The following PCNX3 variants were observed in gnomAD, a reference collection of about 807,000 sequenced individuals.
PCNX3 encodes the protein pecanex 3.
Under a neutral mutation model 207.2 loss-of-function variants are expected in PCNX3, and 58 were observed. The ratio of observed to expected loss-of-function variants is 0.28; its 90% confidence interval spans 0.23 to 0.35. The LOEUF (loss-of-function observed/expected upper bound fraction) is 0.35, where lower values mean the gene tolerates loss of function less well. PCNX3 is among the 10% of genes least tolerant of loss of function. The pLI is 1.00. For synonymous variants in PCNX3, 1,337 were observed against 1,183.5 expected (o/e 1.13, Z -2.66); for missense variants, 2,410 against 2,774.4 (o/e 0.87, Z 2.95).
chr11:65,623,032 A>T (rs1855192823), intron 11 of PCNX3, among the ~76,000 whole-genome samples: 1 of 152,134 alleles, frequency 6.6e-6, no homozygotes, highest in South Asian at 2.1e-4. Flanking sequence ...AGAAAATCCA[A>T]TAGAGAAGTC....
chr11:65,622,819 G>A (rs1193599018), intron 11 of PCNX3, among the ~76,000 whole-genome samples: 3 of 151,150 alleles, frequency 2.0e-5, no homozygotes, highest in African/African-American at 7.3e-5. Context: ...AGCCAAGATG[G>A]TCTTGATCTC....
intron 22 of PCNX3, 80 bp downstream of exon 22, chr11:65,627,662 TC>T: frequency 6.6e-7 from 1 of 1,520,946 alleles, no homozygotes; most frequent in Non-Finnish European, 9.0e-7. Flanking sequence ...GAAGAGAATT[TC>T]CTGAGGGCCT....
intron 9 of PCNX3, 114 bp from the exon 10 acceptor site, chr11:65,620,717 C>G (rs1374219423): frequency 1.4e-6 from 2 of 1,400,758 alleles, no homozygotes; most frequent in African/African-American, 1.4e-5. Flanking sequence ...TCCCTTGAGC[C>G]CTGGTTGGTC....
Position 65,620,006 on chromosome 11 carries a change from G to C in PCNX3, c.2008+74G>C, listed in dbSNP as rs1028769648. ...AACAGCCTGAGTCCTCCTAGCAGTGGTGCTCGCTCGGCCCTGTGGCAGGTA... is the reference window on the plus strand; with the variant it reads ...AACAGCCTGAGTCCTCCTAGCAGTGCTGCTCGCTCGGCCCTGTGGCAGGTA... On this transcript the variant is annotated intron_variant, in intron 8 of 34. Transcript: ENST00000355703. The C allele has an allele frequency of 1.5e-5, 21 of 1,441,680 alleles. No individual in the cohort carries two copies. The Middle Eastern group carries it at 5.4e-4, about 37-fold the overall frequency. The allele number at this position is 1,441,680 out of a possible 1,614,324, so 89.3% of individuals were successfully genotyped here. A position where few individuals can be genotyped will look rare whatever the true frequency, so the allele number is the denominator to read the frequency against.
Position 65,625,563 on chromosome 11 carries a change from T to C in PCNX3, c.3135+53T>C. The C allele has an allele frequency of 6.4e-7, 1 of 1,572,046 alleles. No homozygotes were observed. Among genetic ancestry groups the C allele is most frequent in the South Asian group, 1.1e-5 (1 of 87,540 alleles). On this transcript the variant is annotated intron_variant, in intron 18 of 34. Coordinates refer to ENST00000355703, the MANE Select transcript of PCNX3 (RefSeq NM_032223.4). The surrounding 1 kb of genome is among the most constrained non-coding windows in gnomAD (Gnocchi z 5.6). ...GGGGAGGTGGTGACAGGTCCTGGGGTTCCTGGGAGGGGCATGTCCAGCTTG... is the reference window on the plus strand; with the variant it reads ...GGGGAGGTGGTGACAGGTCCTGGGGCTCCTGGGAGGGGCATGTCCAGCTTG...
In PCNX3 at chr11:65,635,612, C is replaced by T; in HGVS notation, c.5268C>T (p.Gly1756=). 1 of 1,612,938 alleles carries T rather than the reference C, an allele frequency of 6.2e-7. No individual in the cohort carries two copies. The highest frequency in any genetic ancestry group is 8.5e-7 in the Non-Finnish European group (1 of 1,179,748). ...TGCGCAACCGCAACCCCGAGCGTGG[C>T]AGCATCCAGAACGCCAAGCAGGCGC... ...VFLRNRNPER[G]SIQNAKQALR... Residue 1756 remains glycine, a synonymous_variant, in exon 32 of 35, where the codon GGC becomes GGT. Coordinates refer to ENST00000355703, the MANE Select transcript of PCNX3 (RefSeq NM_032223.4). This position sits in a 1 kb window ranked among gnomAD's most constrained non-coding sequence, Gnocchi z 9.9.
intron 26 of PCNX3, among the ~76,000 whole-genome samples, chr11:65,629,976 T>G (rs2135465403): frequency 6.6e-6 from 1 of 152,336 alleles, no homozygotes; most frequent in East Asian, 1.9e-4. Flanking sequence ...TACAGGTCAC[T>G]GCAGTGAGGG....
intron 27 of PCNX3, among the ~76,000 whole-genome samples, chr11:65,633,677 C>T (rs1206015332): frequency 6.6e-6 from 1 of 152,182 alleles, no homozygotes; most frequent in Non-Finnish European, 1.5e-5. Context: ...ACCATAGTGT[C>T]GGGGCCAGCC....
Position 65,625,645 on chromosome 11 carries a change from C to T in PCNX3, c.3136-7C>T, listed in dbSNP as rs764444056. On this transcript the variant is annotated splice_region_variant and splice_polypyrimidine_tract_variant and intron_variant, in intron 18 of 34. Coordinates refer to ENST00000355703, the MANE Select transcript of PCNX3 (RefSeq NM_032223.4). This position sits in a 1 kb window ranked among gnomAD's most constrained non-coding sequence, Gnocchi z 5.6. ...CGGGCAGCTGAATGTCTCTCCTGGC[C>T]CTGCAGCGTGAGGTCTTGCACTCCG... is the stretch of plus-strand genomic sequence containing the variant. 14 of 1,612,476 alleles carry T rather than the reference C, an allele frequency of 8.7e-6. No individual in the cohort carries two copies. The highest frequency in any genetic ancestry group is 1.2e-5 in the Non-Finnish European group (14 of 1,179,548).
rs892195663 is a variant in PCNX3 at position 65,619,653 on chromosome 11, C to T, written c.1822C>T (p.Pro608Ser). 1.9e-6 allele frequency: 3 copies of T among 1,597,262 alleles called. No individual in the cohort carries two copies. The highest frequency in any genetic ancestry group is 1.1e-5 in the South Asian group (1 of 89,922). Residue 608 changes from proline (P) to serine (S), a missense_variant, in exon 7 of 35, where the codon CCG (proline) becomes TCG (serine). Around this residue, in one of 8 missense-constraint regions of PCNX3, gnomAD observed 1,104 missense variants for 970.3 expected, o/e 1.14. Coordinates refer to ENST00000355703, the MANE Select transcript of PCNX3 (RefSeq NM_032223.4). ...PTPPASVMGS[P>S]PSSLQEAQRG... ...CCCTCCAGCCTCTGTCATGGGCTCG[C>T]CGCCCAGGTGAGCACCTTGCCAGCT... is the stretch of plus-strand genomic sequence containing the variant.
At chr11:65,628,770 G>C (rs779086920) in intron 23 of PCNX3, 49 bp from the exon 24 acceptor site, 5 of 1,603,572 alleles carry the variant, frequency 3.1e-6, no homozygotes, top group East Asian at 2.2e-5. Context: ...GGGGGGTGGT[G>C]GGGGGCTGGG....
chr11:65,623,903 T>C, intron 12 of PCNX3, 26 bp from the exon 13 acceptor site: 1 of 1,612,634 alleles, frequency 6.2e-7, no homozygotes. Flanking sequence ...CGGCTCTAGT[T>C]GCCAACGTAG....
chr11:65,627,166 G>A, intron 21 of PCNX3, 118 bp downstream of exon 21: 1 of 1,366,214 alleles, frequency 7.3e-7, no homozygotes, highest in Non-Finnish European at 9.7e-7. Context: ...AGCTAAAGCA[G>A]GACCCCAGCT....
chr11:65,621,188 C>T (rs755977680), intron 10 of PCNX3, among the ~76,000 whole-genome samples: 9 of 152,182 alleles, frequency 5.9e-5, no homozygotes, highest in African/African-American at 2.2e-4. Context: ...ACTACGAATT[C>T]CTTTGGAGTA....
In PCNX3 at chr11:65,637,054, G is replaced by T. The variant is rs771570052; in HGVS notation, c.*76G>T. 27 of 1,458,748 alleles carry T rather than the reference G, an allele frequency of 1.9e-5. No individual in the cohort carries two copies. The highest frequency in any genetic ancestry group is 2.1e-5 in the Non-Finnish European group (23 of 1,084,380). The allele number at this position is 1,458,748 out of a possible 1,614,324, so 90.4% of individuals were successfully genotyped here. A position where few individuals can be genotyped will look rare whatever the true frequency, so the allele number is the denominator to read the frequency against. ...TCTGCTGCCTCTCTGCTGGACCACA[G>T]AACTGAGTGGCTTTGGCCTACATGT... On this transcript the variant is annotated 3_prime_UTR_variant, in exon 35 of 35. Transcript: ENST00000355703.
chr11:65,624,096 G>T, intron 13 of PCNX3, 99 bp from the exon 14 acceptor site: 2 of 1,569,188 alleles, frequency 1.3e-6, no homozygotes, highest in Non-Finnish European at 1.7e-6. Context: ...AGGCTCTCCA[G>T]CTTGGACCCA....
Position 65,637,325 on chromosome 11 carries a change from T to C in PCNX3, c.*347T>C. The C allele has an allele frequency of 7.2e-6, 2 of 277,310 alleles. No individual in the cohort carries two copies. Among genetic ancestry groups the C allele is most frequent in the Non-Finnish European group, 1.3e-5 (2 of 148,370 alleles). The allele number at this position is 277,310 out of a possible 1,614,324, so 17.2% of individuals were successfully genotyped here. A position where few individuals can be genotyped will look rare whatever the true frequency, so the allele number is the denominator to read the frequency against. On this transcript the variant is annotated 3_prime_UTR_variant, in exon 35 of 35. Transcript: ENST00000355703. ...AGGTGTGGCCCCCTTGGCCTGGACC[T>C]GGGGCCTGAATTGTGGGAAGGGTGG...
At position 65,635,332 on chromosome 11, in the gene PCNX3, G is replaced by A; in HGVS notation, c.5068G>A (p.Ala1690Thr). Residue 1690 changes from alanine to threonine, a missense_variant, in exon 31 of 35, where the codon GCC becomes ACC. Physicochemically the swap from Ala to Thr is moderately conservative, Grantham distance 58. Coordinates refer to ENST00000355703, the MANE Select transcript of PCNX3 (RefSeq NM_032223.4). This position sits in a 1 kb window ranked among gnomAD's most constrained non-coding sequence, Gnocchi z 9.9. ...SHEGDPAWRS[A>T]ILSNTPSLLA... ...TGAGGGTGACCCAGCATGGCGCAGC[G>A]CCATCCTCAGCAACACGCCCTCCCT... 4 of 1,606,032 alleles carry A rather than the reference G, an allele frequency of 2.5e-6. No homozygotes were observed. Among genetic ancestry groups the A allele is most frequent in the Non-Finnish European group, 2.5e-6 (3 of 1,177,058 alleles).
Position 65,616,380 on chromosome 11 carries a change from C to G in PCNX3, c.69C>G (p.Phe23Leu), listed in dbSNP as rs1350662190. 5.6e-6 allele frequency: 9 copies of G among 1,608,750 alleles called. No individual in the cohort carries two copies. Among genetic ancestry groups the G allele is most frequent in the Non-Finnish European group, 7.6e-6 (9 of 1,178,330 alleles). The change falls in exon 1 of 35, where the codon TTC becomes TTG. Residue 23 changes from phenylalanine to leucine, a missense_variant. By Grantham distance (22) the Phe-to-Leu change is conservative. Transcript: ENST00000355703. ...CCTCGCTCACCGGCGGTTGGTTCTTCGACCCGCACCAGAGCACCTTCTCCA... is the reference window on the plus strand; with the variant it reads ...CCTCGCTCACCGGCGGTTGGTTCTTGGACCCGCACCAGAGCACCTTCTCCA... The part of the protein sequence containing the change: ...VWASLTGGWF[F>L]DPHQSTFSNC...
Sources: gnomAD v4.1 joint callset for allele counts (sites outside exome capture counted in the v4.1 genomes callset) on GRCh38, gnomAD v4.1.1 for gene constraint, gnomAD v4.1.1 regional missense constraint, Gnocchi (gnomAD v3.1) non-coding constraint, MANE v1.5 for transcripts, NCBI Gene and HGNC (gene_info 2026-07-23, HGNC 2026-07-21) for gene names.